The following OPRM1 variants were observed in gnomAD, a reference collection of about 807,000 sequenced individuals.
The protein encoded by OPRM1 is opioid receptor mu 1.
In OPRM1, 27 loss-of-function variants were observed where a neutral mutation model predicts 31.8. The observed-to-expected ratio is 0.85, with a 90% confidence interval of 0.63 to 1.17. OPRM1 has a LOEUF of 1.17. Among genes scored for constraint, OPRM1 ranks in the 50% most tolerant of loss-of-function variants. The probability of loss-of-function intolerance (pLI) is 0.00; values close to 1 mark genes in which losing one functional copy is unlikely to be tolerated. For synonymous variants in OPRM1, 196 were observed against 189.9 expected (o/e 1.03, Z -0.26); for missense variants, 536 against 511.1 (o/e 1.05, Z -0.47).
intron 1 of OPRM1, among the ~76,000 whole-genome samples, chr6:154,079,236 AGTAG>A (rs1562436352): frequency 6.6e-6 from 1 of 152,208 alleles, no homozygotes; most frequent in Admixed American, 6.5e-5. Context: ...GGTCCCCTGG[AGTAG>A]CTAGAGGGGA....
chr6:154,042,163 G>A (rs1780201193), intron 1 of OPRM1, among the ~76,000 whole-genome samples: 2 of 152,200 alleles, frequency 1.3e-5, no homozygotes, highest in Non-Finnish European at 2.9e-5. Flanking sequence ...TTTAATCGCA[G>A]GGTTAGGTAA....
At chr6:154,032,276 AC>A (rs1273880944) in intron 1 of OPRM1, among the ~76,000 whole-genome samples, 1 of 152,232 alleles carries the variant, frequency 6.6e-6, no homozygotes, top group Admixed American at 6.5e-5. Flanking sequence ...AGCTCATTTA[AC>A]ACCCATAAAA....
chr6:154,021,102 T>G (rs1778340187), intron 1 of OPRM1, among the ~76,000 whole-genome samples: 1 of 152,246 alleles, frequency 6.6e-6, no homozygotes, highest in Non-Finnish European at 1.5e-5. Flanking sequence ...GCATTTTACA[T>G]TTCTGTCTGT....
chr6:154,055,454 C>T (rs951860323), intron 1 of OPRM1, among the ~76,000 whole-genome samples: 3 of 151,830 alleles, frequency 2.0e-5, no homozygotes, highest in African/African-American at 7.2e-5. Flanking sequence ...TCCTAATTTT[C>T]TTCCCTCCCA....
intron 3 of OPRM1, among the ~76,000 whole-genome samples, chr6:154,202,521 A>G (rs908325539): frequency 6.6e-6 from 1 of 152,184 alleles, no homozygotes; most frequent in Non-Finnish European, 1.5e-5. Context: ...GTAAAATTCA[A>G]CTTCTATGTG....
intron 3 of OPRM1, among the ~76,000 whole-genome samples, chr6:154,194,758 C>A (rs1776447311): frequency 6.6e-6 from 1 of 151,946 alleles, no homozygotes; most frequent in Non-Finnish European, 1.5e-5. Context: ...CTGCAGGTAA[C>A]CTAATCAGCA....
chr6:154,091,682 C>A, intron 3 of OPRM1: 1 of 1,328,648 alleles, frequency 7.5e-7, no homozygotes, highest in Non-Finnish European at 9.6e-7. Context: ...TATAAAGATA[C>A]ACCAATGAGA....
Position 154,118,967 on chromosome 6 carries a change from T to C in OPRM1, c.*246T>C. The C allele has an allele frequency of 3.2e-6, 4 of 1,256,172 alleles. No individual in the cohort carries two copies. The highest frequency in any genetic ancestry group is 4.0e-6 in the Non-Finnish European group (4 of 999,684). The allele number at this position is 1,256,172 out of a possible 1,614,324, so 77.8% of individuals were successfully genotyped here. ...AGTCCAGTTTGTGCAAGACACCCAG[T>C]GGAACCAAAACCCATCGTGGTATGT... On this transcript the variant is annotated 3_prime_UTR_variant, in exon 4 of 4. Coordinates refer to ENST00000330432, the MANE Select transcript of OPRM1 (RefSeq NM_000914.5).
At chr6:154,049,048 A>C (rs1347845934) in intron 1 of OPRM1, among the ~76,000 whole-genome samples, 1 of 152,176 alleles carries the variant, frequency 6.6e-6, no homozygotes, top group African/African-American at 2.4e-5. Flanking sequence ...CAGCTAATGC[A>C]TTCGTAACCT....
At chr6:154,081,818 T>C (rs1318958015) in intron 1 of OPRM1, among the ~76,000 whole-genome samples, 2 of 152,214 alleles carry the variant, frequency 1.3e-5, no homozygotes, top group African/African-American at 4.8e-5. Flanking sequence ...AGATGGAGTC[T>C]AGAGAAATGG....
At chr6:154,212,857 T>C in intron 3 of OPRM1, 1 of 1,604,054 alleles carries the variant, frequency 6.2e-7, no homozygotes, top group Non-Finnish European at 8.5e-7. Flanking sequence ...TGTAACATTC[T>C]ATAACAAAAA....
chr6:154,201,711 A>G (rs1340342543), intron 3 of OPRM1, among the ~76,000 whole-genome samples: 2 of 152,228 alleles, frequency 1.3e-5, no homozygotes, highest in African/African-American at 4.8e-5. Flanking sequence ...CCTGGCCAAC[A>G]TGGCGAAACC....
intron 3 of OPRM1, among the ~76,000 whole-genome samples, chr6:154,230,319 G>A (rs1435082448): frequency 6.6e-6 from 1 of 152,132 alleles, no homozygotes; most frequent in East Asian, 1.9e-4. Flanking sequence ...CATGAGTATG[G>A]GCGGGGATCA....
intron 3 of OPRM1, among the ~76,000 whole-genome samples, chr6:154,227,457 G>A (rs1214589971): frequency 2.0e-5 from 3 of 151,992 alleles, no homozygotes; most frequent in East Asian, 3.9e-4. Context: ...ACTGGCTCAC[G>A]CCTGTAATCC....
At chr6:154,060,443 T>C (rs570973861) in intron 1 of OPRM1, among the ~76,000 whole-genome samples, 9 of 152,336 alleles carry the variant, frequency 5.9e-5, no homozygotes, top group African/African-American at 2.2e-4. Flanking sequence ...GTTAATGGGG[T>C]CACTTATGAA....
Position 154,132,218 on chromosome 6 carries a change from T to TA in OPRM1, c.*13503dup, listed in dbSNP as rs1476316998. On this transcript the variant is annotated 3_prime_UTR_variant, in exon 4 of 4. Transcript: ENST00000330432. ...TTTGACTGTTTCAGATAGTTGTATA[T>TA]AAAAAATATAAATTTTTGCATTGTA... Among the ~76,000 whole-genome samples, 3 of 152,190 alleles carry TA rather than the reference T, an allele frequency of 2.0e-5. No homozygotes were observed. Among genetic ancestry groups the TA allele is most frequent in the Non-Finnish European group, 4.4e-5 (3 of 68,024 alleles).
intron 1 of OPRM1, among the ~76,000 whole-genome samples, chr6:154,031,203 G>T (rs917266079): frequency 1.3e-5 from 2 of 152,016 alleles, no homozygotes; most frequent in African/African-American, 4.8e-5. Flanking sequence ...ATTGGTATTT[G>T]GACAATTTTA....
chr6:154,098,545 T>C (rs1372631993), intron 3 of OPRM1, among the ~76,000 whole-genome samples: 1 of 152,218 alleles, frequency 6.6e-6, no homozygotes, highest in African/African-American at 2.4e-5. Flanking sequence ...AACACCACGT[T>C]TATTTTTACT....
Position 154,127,515 on chromosome 6 carries a change from C to T in OPRM1, c.*8794C>T, listed in dbSNP as rs969355360. 1.3e-5 allele frequency among the ~76,000 whole-genome samples: 2 copies of T among 152,144 alleles called. No individual in the cohort carries two copies. Among genetic ancestry groups the T allele is most frequent in the Non-Finnish European group, 2.9e-5 (2 of 68,036 alleles). On this transcript the variant is annotated 3_prime_UTR_variant, in exon 4 of 4. Coordinates refer to ENST00000330432, the MANE Select transcript of OPRM1 (RefSeq NM_000914.5). ...AAATGTTTGTCATCACACAGATACA[C>T]GCTCAGGATAAGAACTACCAGACTA...
Sources: allele counts gnomAD v4.1 joint callset (sites outside exome capture counted in the v4.1 genomes callset), GRCh38; gene constraint gnomAD v4.1.1; transcripts MANE v1.5; gene names NCBI Gene and HGNC (gene_info 2026-07-23, HGNC 2026-07-21).